The following PTPRZ1 variants were observed in gnomAD, a reference collection of about 807,000 sequenced individuals.
The protein encoded by PTPRZ1 is protein tyrosine phosphatase receptor type Z1, also known as receptor-type tyrosine-protein phosphatase zeta.
A neutral mutation model predicts 214.1 loss-of-function variants in PTPRZ1; 82 were observed. The observed-to-expected ratio is 0.38, with a 90% confidence interval of 0.32 to 0.46. The LOEUF is 0.46. Ranked by LOEUF, PTPRZ1 falls within the 20% of genes least tolerant of loss-of-function variation. The probability of loss-of-function intolerance (pLI) is 1.00; values close to 1 mark genes in which losing one functional copy is unlikely to be tolerated. For synonymous variants in PTPRZ1, 945 were observed against 987.9 expected (o/e 0.96, Z 0.81); for missense variants, 2,603 against 2,748.7 (o/e 0.95, Z 1.19).
chr7:121,960,107 C>T (rs903169606), intron 2 of PTPRZ1, among the ~76,000 whole-genome samples: 15 of 152,220 alleles, frequency 9.9e-5, no homozygotes, highest in Non-Finnish European at 8.8e-5. Context: ...GGCATGCTCT[C>T]GGCTCACTGC....
Position 122,013,873 on chromosome 7 carries a change from C to G in PTPRZ1, c.4827C>G (p.Phe1609Leu). 6.2e-7 allele frequency: 1 copy of G among 1,606,986 alleles called. No individual in the cohort carries two copies. Among genetic ancestry groups the G allele is most frequent in the Non-Finnish European group, 8.5e-7 (1 of 1,176,030 alleles). Residue 1609 changes from phenylalanine (F) to leucine (L), a missense_variant, in exon 12 of 30, where the codon TTC becomes TTG. By Grantham distance (22) the Phe-to-Leu change is conservative. Transcript: ENST00000393386. ...TTACTAGCGAGAACTCAGAAGTGTT[C>G]CACGTTTCAGAGGCAGGTTAGTTAC... ...SSVTSENSEV[F>L]HVSEAEASNS... is the part of the protein sequence containing the mutation.
intron 27 of PTPRZ1, 21 bp downstream of exon 27, chr7:122,055,108 A>G: frequency 6.7e-7 from 1 of 1,493,056 alleles, no homozygotes; most frequent in Non-Finnish European, 9.1e-7. Flanking sequence ...AAGTTAAATG[A>G]CAAACTTTTT....
intron 2 of PTPRZ1, among the ~76,000 whole-genome samples, chr7:121,967,427 G>A (rs1797078556): frequency 1.3e-5 from 2 of 152,164 alleles, no homozygotes; most frequent in Admixed American, 6.5e-5. Context: ...AGGTCTGAAG[G>A]CAGCTACTTT....
intron 4 of PTPRZ1, among the ~76,000 whole-genome samples, chr7:121,974,589 G>A (rs1236298513): frequency 6.6e-6 from 1 of 152,154 alleles, no homozygotes; most frequent in East Asian, 1.9e-4. Context: ...CTGTGTTCAA[G>A]CAATTCTCCT....
chr7:121,982,753 C>T (rs1797648355), intron 6 of PTPRZ1, among the ~76,000 whole-genome samples: 1 of 151,920 alleles, frequency 6.6e-6, no homozygotes, highest in African/African-American at 2.4e-5. Context: ...TATTATTTCT[C>T]ATTCTCTGTA....
intron 27 of PTPRZ1, 69 bp from the exon 28 acceptor site, chr7:122,058,731 T>C: frequency 7.1e-7 from 1 of 1,401,826 alleles, no homozygotes; most frequent in South Asian, 1.3e-5. Flanking sequence ...TAATTCCTGA[T>C]TTTCCTCAAT....
At chr7:122,036,572 AATGAAAT>A in intron 17 of PTPRZ1, 21 bp from the exon 18 acceptor site, 3 of 1,452,428 alleles carry the variant, frequency 2.1e-6, no homozygotes, top group Non-Finnish European at 2.9e-6. Flanking sequence ...TCTGTGCTAC[AATGAAAT>A]ATATTCTCTT....
Position 121,934,221 on chromosome 7 carries a change from T to G in PTPRZ1, c.124+6000T>G, listed in dbSNP as rs76005231. ...TATTTTCAACTTAACGTGAATTAAT[T>G]TTAGCAAGAAGGGCAAAGGTAGTTG... On this transcript the variant is annotated intron_variant, in intron 2 of 29. Transcript: ENST00000393386. Among the ~76,000 whole-genome samples the G allele has an allele frequency of 9.6e-4, 146 of 152,212 alleles. 2 individuals carry two copies. The East Asian group carries it at 0.027, about 28-fold the overall frequency.
At chr7:122,026,790 T>C (rs938095268) in intron 13 of PTPRZ1, among the ~76,000 whole-genome samples, 40 of 152,320 alleles carry the variant, frequency 2.6e-4, no homozygotes, top group African/African-American at 9.4e-4. Context: ...TGTACGTCAT[T>C]GCTTTAAGTT....
chr7:122,010,227 G>T, intron 11 of PTPRZ1, 107 bp from the exon 12 acceptor site: 1 of 1,091,586 alleles, frequency 9.2e-7, no homozygotes, highest in East Asian at 2.5e-5. Context: ...TTATGAGGAT[G>T]AGAAGTTCCC....
chr7:122,051,757 G>A, intron 24 of PTPRZ1, 109 bp from the exon 25 acceptor site: 1 of 1,034,856 alleles, frequency 9.7e-7, no homozygotes, highest in Non-Finnish European at 1.4e-6. Flanking sequence ...GAAAAATGTA[G>A]CTATATTTTA....
rs1799705468 is a variant in PTPRZ1 at position 122,040,794 on chromosome 7, T to C, written c.5638-22T>C. The C allele has an allele frequency of 2.0e-6, 3 of 1,469,802 alleles. No individual in the cohort carries two copies. The East Asian group carries it at 7.3e-5, about 36-fold the overall frequency. The allele number at this position is 1,469,802 out of a possible 1,614,324, so 91.0% of individuals were successfully genotyped here. The stretch of plus-strand genomic sequence containing the variant: ...TGTGTGTGTGTGTGTTTGACTGTTA[T>C]TAACTGTCTGAACTTTTCCAGGGCT... On this transcript the variant is annotated intron_variant, in intron 20 of 29. Transcript: ENST00000393386.
chr7:121,917,726 A>G (rs1328022506), intron 1 of PTPRZ1, among the ~76,000 whole-genome samples: 1 of 152,170 alleles, frequency 6.6e-6, no homozygotes, highest in Non-Finnish European at 1.5e-5. Flanking sequence ...TTGTGGAAAT[A>G]CAAGCAAAGA....
intron 1 of PTPRZ1, among the ~76,000 whole-genome samples, chr7:121,915,449 C>A (rs982207134): frequency 6.6e-6 from 1 of 152,126 alleles, no homozygotes; most frequent in Non-Finnish European, 1.5e-5. Context: ...AGGTGCATAT[C>A]ATTTAAAATG....
At chr7:121,938,478 A>G (rs1379703810) in intron 2 of PTPRZ1, among the ~76,000 whole-genome samples, 4 of 152,228 alleles carry the variant, frequency 2.6e-5, no homozygotes, top group Non-Finnish European at 5.9e-5. Context: ...TATTTTTGAG[A>G]CAAGAGGTAG....
chr7:122,053,890 T>C lies in PTPRZ1; in HGVS notation c.6253-20T>C. 5 of 1,611,468 alleles carry C rather than the reference T, an allele frequency of 3.1e-6. No homozygotes were observed. In the South Asian group the frequency reaches 4.4e-5, roughly 14 times the overall value. On this transcript the variant is annotated intron_variant, in intron 25 of 29. Coordinates refer to ENST00000393386, the MANE Select transcript of PTPRZ1 (RefSeq NM_002851.3). ...AAGGCATACGCCAGTGCTGTTTTTG[T>C]CTTCTCTTTGGTTTTGTAGGGCTAT...
chr7:121,914,982 A>G (rs906676167), intron 1 of PTPRZ1, among the ~76,000 whole-genome samples: 2 of 152,172 alleles, frequency 1.3e-5, no homozygotes, highest in Non-Finnish European at 2.9e-5. Flanking sequence ...GGGCAAAATT[A>G]CATGAAGGGC....
chr7:121,949,407 G>A (rs2116450370), intron 2 of PTPRZ1, among the ~76,000 whole-genome samples: 1 of 152,172 alleles, frequency 6.6e-6, no homozygotes, highest in South Asian at 2.1e-4. Context: ...ACGCACATAT[G>A]AATTACTGTT....
At chr7:122,030,293 A>G (rs560922173) in intron 14 of PTPRZ1, among the ~76,000 whole-genome samples, 2 of 152,126 alleles carry the variant, frequency 1.3e-5, no homozygotes, top group African/African-American at 4.8e-5. Context: ...TTGCAGACCA[A>G]TTAATAAAAG....
Sources: gnomAD v4.1 joint callset for allele counts (sites outside exome capture counted in the v4.1 genomes callset) on GRCh38, gnomAD v4.1.1 for gene constraint, MANE v1.5 for transcripts, NCBI Gene and HGNC (gene_info 2026-07-23, HGNC 2026-07-21) for gene names.